The following MCPH1 variants were observed in gnomAD, a reference collection of about 807,000 sequenced individuals.
MCPH1 encodes the protein microcephalin.
In MCPH1, 104 loss-of-function variants were observed where a neutral mutation model predicts 84.5. The observed-to-expected ratio is 1.23, with a 90% CI of 1.05 to 1.45. The LOEUF (loss-of-function observed/expected upper bound fraction) is 1.45. Among genes scored for constraint, MCPH1 ranks in the 40% most tolerant of loss-of-function variants. The pLI is 0.00. For synonymous variants in MCPH1, 514 were observed against 366.8 expected (o/e 1.40, Z -4.58); for missense variants, 1,498 against 1,005.7 (o/e 1.49, Z -6.62).
intron 12 of MCPH1, among the ~76,000 whole-genome samples, chr8:6,568,433 C>A (rs1466903812): frequency 6.6e-6 from 1 of 152,164 alleles, no homozygotes; most frequent in African/African-American, 2.4e-5. Flanking sequence ...TGGAGCAGCC[C>A]CCCAGCTATG....
At chr8:6,449,263 C>A (rs769979258) in intron 8 of MCPH1, among the ~76,000 whole-genome samples, 16 of 152,172 alleles carry the variant, frequency 1.1e-4, no homozygotes, top group Non-Finnish European at 2.1e-4. Context: ...TTAGCGTGTC[C>A]TTATATTGCA....
chr8:6,613,139 C>T (rs1288080559), intron 12 of MCPH1, among the ~76,000 whole-genome samples: 8 of 152,122 alleles, frequency 5.3e-5, no homozygotes, highest in South Asian at 4.1e-4. Context: ...CAGCAGGTGC[C>T]GGGTGCCGGG....
chr8:6,527,571 A>G (rs754757049), intron 12 of MCPH1: 6 of 1,613,810 alleles, frequency 3.7e-6, no homozygotes, highest in South Asian at 3.3e-5. Flanking sequence ...TTATCTTGCA[A>G]TTTGTTTATT....
chr8:6,580,907 G>A (rs913764729), intron 12 of MCPH1, among the ~76,000 whole-genome samples: 5 of 152,150 alleles, frequency 3.3e-5, no homozygotes, highest in East Asian at 3.8e-4. Flanking sequence ...CTCCACATCC[G>A]CAGGTTCTGC....
At chr8:6,508,822 A>T in intron 12 of MCPH1, 1 of 1,466,206 alleles carries the variant, frequency 6.8e-7, no homozygotes, top group Non-Finnish European at 9.5e-7. Context: ...TCTACGTATG[A>T]AATTGTGGAC....
intron 12 of MCPH1, among the ~76,000 whole-genome samples, chr8:6,577,288 C>T (rs1404715924): frequency 2.6e-5 from 4 of 152,218 alleles, no homozygotes; most frequent in African/African-American, 9.6e-5. Flanking sequence ...TGGGGCCTTT[C>T]CCTTCCCGTC....
intron 5 of MCPH1, among the ~76,000 whole-genome samples, chr8:6,437,029 T>A (rs2442514): frequency 0.68 from 103,316 of 152,030 alleles, 38,610 homozygotes; most frequent in Non-Finnish European, 0.81. Flanking sequence ...TATTTCTGTT[T>A]TGCCTTTTTC....
chr8:6,509,940 C>T (rs886153821), intron 12 of MCPH1, among the ~76,000 whole-genome samples: 3 of 152,148 alleles, frequency 2.0e-5, no homozygotes, highest in Non-Finnish European at 2.9e-5. Flanking sequence ...GAGGGAGCAT[C>T]GTGCCACATA....
At chr8:6,572,236 A>G (rs1183790156) in intron 12 of MCPH1, among the ~76,000 whole-genome samples, 1 of 152,236 alleles carries the variant, frequency 6.6e-6, no homozygotes, top group African/African-American at 2.4e-5. Context: ...CTATTCTAGT[A>G]AAATATTTAC....
chr8:6,410,894 A>G (rs989804164), intron 2 of MCPH1, among the ~76,000 whole-genome samples: 30 of 152,160 alleles, frequency 2.0e-4, no homozygotes, highest in African/African-American at 7.0e-4. Flanking sequence ...GTTCGAGACC[A>G]GCCTGGCCAA....
intron 12 of MCPH1, among the ~76,000 whole-genome samples, chr8:6,539,121 A>G (rs896065126): frequency 6.6e-6 from 1 of 152,204 alleles, no homozygotes; most frequent in African/African-American, 2.4e-5. Context: ...CTGAGCCTAA[A>G]GAGGGAAGGG....
intron 13 of MCPH1, among the ~76,000 whole-genome samples, chr8:6,629,189 G>A (rs536978089): frequency 7.2e-5 from 11 of 152,352 alleles, no homozygotes; most frequent in Admixed American, 5.2e-4. Flanking sequence ...GAGGCCAGGC[G>A]TGGTGGCTTA....
At chr8:6,488,807 C>T (rs1014319842) in intron 11 of MCPH1, among the ~76,000 whole-genome samples, 1 of 151,878 alleles carries the variant, frequency 6.6e-6, no homozygotes, top group African/African-American at 2.4e-5. Flanking sequence ...GAATGGATTG[C>T]AGGGAGGTAA....
chr8:6,490,432 A>C (rs1810433614), intron 11 of MCPH1, among the ~76,000 whole-genome samples: 1 of 152,140 alleles, frequency 6.6e-6, no homozygotes, highest in South Asian at 2.1e-4. Context: ...AAGGCTTCTA[A>C]ACTCTATCCC....
chr8:6,441,639 G>T (rs908652913), intron 6 of MCPH1, among the ~76,000 whole-genome samples: 12 of 152,286 alleles, frequency 7.9e-5, no homozygotes, highest in Admixed American at 5.9e-4. Flanking sequence ...TGGGGGCACT[G>T]CCCTGTGTGT....
At chr8:6,527,762 A>T (rs1291238817) in intron 12 of MCPH1, 5 of 1,233,558 alleles carry the variant, frequency 4.1e-6, no homozygotes, top group Non-Finnish European at 5.6e-6. Context: ...TACCCAAGCT[A>T]CAGGAAAACA....
rs1799049297 is a variant in MCPH1 at position 6,414,902 on chromosome 8, AC to A, written c.233+20del. 1 of 1,611,958 alleles carries A rather than the reference AC, an allele frequency of 6.2e-7. No homozygotes were observed. Among genetic ancestry groups the A allele is most frequent in the South Asian group, 1.1e-5 (1 of 90,970 alleles). On this transcript the variant is annotated intron_variant, in intron 3 of 13. Coordinates refer to ENST00000344683, the MANE Select transcript of MCPH1 (RefSeq NM_024596.5). The stretch of plus-strand genomic sequence containing the variant: ...TGGAAAAGTAAGCAGTTTCTCTCTT[AC>A]TTTTTTTCCTTAAGTATCTAGTATT...
chr8:6,632,472 C>A (rs1361408244), intron 13 of MCPH1, among the ~76,000 whole-genome samples: 1 of 152,152 alleles, frequency 6.6e-6, no homozygotes, highest in Non-Finnish European at 1.5e-5. Flanking sequence ...CTACATTGAT[C>A]TTGACCTAAT....
chr8:6,567,046 G>A (rs1306006367), intron 12 of MCPH1, among the ~76,000 whole-genome samples: 4 of 137,388 alleles, frequency 2.9e-5, no homozygotes, highest in Non-Finnish European at 4.7e-5. Context: ...ATGTGTGATC[G>A]GCAAGGCCAT....
Sources: gnomAD v4.1 joint callset for allele counts (sites outside exome capture counted in the v4.1 genomes callset) on GRCh38, gnomAD v4.1.1 for gene constraint, MANE v1.5 for transcripts, NCBI Gene and HGNC (gene_info 2026-07-23, HGNC 2026-07-21) for gene names.